Variants in IKZF4 observed in about 807,000 individuals in gnomAD.
IKZF4 encodes IKAROS family zinc finger 4.
A neutral mutation model predicts 47.7 loss-of-function variants in IKZF4; 11 were observed. The observed-to-expected ratio is 0.23, with a 90% CI of 0.15 to 0.38. The LOEUF (loss-of-function observed/expected upper bound fraction) is 0.38. Ranked by LOEUF, IKZF4 falls within the 10% of genes least tolerant of loss-of-function variation. IKZF4 has a pLI of 1.00. For missense variants in IKZF4, 557 were observed against 784.9 expected, an observed-to-expected ratio of 0.71 and a Z score of 3.47; for synonymous variants, 298 against 299.4, an observed-to-expected ratio of 1.00 and a Z score of 0.05.
intron 2 of IKZF4, among the ~76,000 whole-genome samples, chr12:56,014,929 C>T (rs1362507639): frequency 6.6e-6 from 1 of 152,184 alleles, no homozygotes; most frequent in African/African-American, 2.4e-5. Context: ...GTTCTATTCT[C>T]ACCATGAACC....
intron 1 of IKZF4, among the ~76,000 whole-genome samples, chr12:56,008,588 C>T (rs1458702056): frequency 2.0e-5 from 3 of 151,842 alleles, no homozygotes; most frequent in Non-Finnish European, 4.4e-5. Flanking sequence ...TTTAATGGAA[C>T]GTGGACCTTT....
chr12:56,021,410 G>T lies in IKZF4; in HGVS notation c.-84G>T, dbSNP rs773685285. ...CCGCTGCTGCTGCCTGCGAAATGAC[G>T]GCGGTTCCCCTCACTTCCAGGAATC... On this transcript the variant is annotated 5_prime_UTR_variant, in exon 1 of 8. Transcript: ENST00000547167. 3 of 1,550,276 alleles carry T rather than the reference G, an allele frequency of 1.9e-6. No homozygotes were observed. In the East Asian group the frequency reaches 7.3e-5, roughly 38 times the overall value.
Position 56,011,695 on chromosome 12 carries a change from C to G in IKZF4, c.-214+201C>G, listed in dbSNP as rs1010374906. 3.9e-5 allele frequency: 6 copies of G among 152,220 alleles called. 1 individual carries two copies. The highest frequency in any genetic ancestry group is 8.8e-5 in the Non-Finnish European group (6 of 68,068). The allele number at this position is 152,220 out of a possible 1,614,324, so 9.4% of individuals were successfully genotyped here. ...ATCTACAGCCTGGTGAAAAATGAGT[C>G]AGACCTTTCCACTGTAAAGACAAAC... On this transcript the variant is annotated intron_variant, in intron 2 of 11. Coordinates refer to the IKZF4 transcript ENST00000262032.
chr12:56,017,232 G>GCCC (rs533473779), upstream of IKZF4, among the ~76,000 whole-genome samples: 1 of 84,244 alleles, frequency 1.2e-5, no homozygotes, highest in Admixed American at 1.4e-4. Context: ...CTCCCCCCCC[G>GCCC]CCCCCCCCGT....
In IKZF4 at chr12:56,038,212, C is replaced by T. The variant is rs1021725112; in HGVS notation, c.*2881C>T. ...TTTGGTGTCTCTTTTGACCTTTACCCCTTCACCTCCTCCTCTCTTCTTCTG... is the reference window on the plus strand; with the variant it reads ...TTTGGTGTCTCTTTTGACCTTTACCTCTTCACCTCCTCCTCTCTTCTTCTG... On this transcript the variant is annotated 3_prime_UTR_variant, in exon 8 of 8. Transcript: ENST00000547167. 1 of 152,348 alleles carries T rather than the reference C, an allele frequency of 6.6e-6. No individual in the cohort carries two copies. Among genetic ancestry groups the T allele is most frequent in the Non-Finnish European group, 1.5e-5 (1 of 67,978 alleles). 9.4% of individuals were successfully genotyped at this position (152,348 alleles called of 1,614,324 possible).
intron 3 of IKZF4, among the ~76,000 whole-genome samples, chr12:56,025,361 G>C (rs1893791843): frequency 6.6e-6 from 1 of 152,186 alleles, no homozygotes; most frequent in African/African-American, 2.4e-5. Context: ...TGGCAGACTA[G>C]GGTGGAATTA....
In IKZF4 at chr12:56,034,939, T is replaced by C; in HGVS notation, c.1366T>C (p.Ser456Pro). The C allele has an allele frequency of 6.3e-7, 1 of 1,586,662 alleles. No homozygotes were observed. Among genetic ancestry groups the C allele is most frequent in the South Asian group, 1.1e-5 (1 of 88,220 alleles). Reference protein sequence around the residue: ...GASPSNGCQDSTDTESNHEDR... With the variant: ...GASPSNGCQDPTDTESNHEDR... The stretch of plus-strand genomic sequence containing the variant: ...ATCCCCCAGCAATGGCTGCCAGGAC[T>C]CCACAGACACAGAAAGCAACCACGA... The change falls in exon 8 of 8, where the codon TCC becomes CCC. Residue 456 changes from serine to proline, a missense_variant. Around this residue, in one of 6 missense-constraint regions of IKZF4, gnomAD observed 280 missense variants for 314.0 expected, o/e 0.89. Transcript: ENST00000547167.
Sources: gnomAD v4.1 joint callset for allele counts (sites outside exome capture counted in the v4.1 genomes callset) on GRCh38, gnomAD v4.1.1 for gene constraint, gnomAD v4.1.1 regional missense constraint, MANE v1.5 for transcripts, NCBI Gene and HGNC (gene_info 2026-07-23, HGNC 2026-07-21) for gene names.